GALNT9: variants seen among roughly 807,000 people sequenced by gnomAD.
GALNT9 encodes the protein polypeptide N-acetylgalactosaminyltransferase 9.
Under a neutral mutation model 63.1 loss-of-function variants are expected in GALNT9, and 47 were observed. The ratio of observed to expected loss-of-function variants is 0.75; its 90% CI spans 0.59 to 0.95. The LOEUF is 0.95. GALNT9 is among the 40% of genes least tolerant of loss of function. GALNT9 has a pLI of 0.00. For missense variants in GALNT9, 829 were observed against 874.8 expected, an observed-to-expected ratio of 0.95 and a Z score of 0.66; for synonymous variants, 396 against 365.7, an observed-to-expected ratio of 1.08 and a Z score of -0.94.
intron 4 of GALNT9, among the ~76,000 whole-genome samples, chr12:132,260,472 C>CT (rs150240861): frequency 0.014 from 2,064 of 152,348 alleles, 47 homozygotes; most frequent in African/African-American, 0.047. Context: ...GCCCCTTGCA[C>CT]TAGGCTAAGG....
chr12:132,277,647 G>C (rs557275311), intron 2 of GALNT9: 8 of 149,172 alleles, frequency 5.4e-5, no homozygotes, highest in Admixed American at 5.2e-4. Flanking sequence ...ACTGCTGGGG[G>C]CTCCCCCCGC....
chr12:132,287,071 C>A (rs1411055346), intron 1 of GALNT9, among the ~76,000 whole-genome samples: 2 of 111,458 alleles, frequency 1.8e-5, no homozygotes, highest in African/African-American at 6.3e-5. Flanking sequence ...CCCCCCCCCC[C>A]CCCGTGAGCC....
intron 1 of GALNT9, among the ~76,000 whole-genome samples, chr12:132,291,543 A>G (rs1267577626): frequency 7.4e-6 from 1 of 134,408 alleles, no homozygotes; most frequent in African/African-American, 2.9e-5. Context: ...CGTCCACACC[A>G]CCGACATCCA....
At position 132,286,862 on chromosome 12, in the gene GALNT9, A is replaced by C. The variant is rs185943937; in HGVS notation, c.239-432T>G. Among the ~76,000 whole-genome samples the C allele has an allele frequency of 1.1e-3, 168 of 152,214 alleles. No homozygotes were observed. Among genetic ancestry groups the C allele is most frequent in the Non-Finnish European group, 1.7e-3 (117 of 68,006 alleles). Reference sequence around the variant, plus strand: ...CTGAGTAAATGGGTGGGCCTCCACAACTGGCAAATTTTTGTATTTTTAGTG... The same window carrying C: ...CTGAGTAAATGGGTGGGCCTCCACACCTGGCAAATTTTTGTATTTTTAGTG... On this transcript the variant is annotated intron_variant, in intron 1 of 10. Coordinates refer to ENST00000328957, the MANE Select transcript of GALNT9 (RefSeq NM_001122636.2). This position sits in a 1 kb window ranked among gnomAD's most constrained non-coding sequence, Gnocchi z 7.4.
In GALNT9 at chr12:132,233,170, A is replaced by G. The variant is rs1449823049; in HGVS notation, c.1077+14740T>C. ...CGACAGGAGACAGCGTGGAGCCCCT[A>G]GTGCCACACACTCGATGGGGCGACA... On this transcript the variant is annotated intron_variant, in intron 6 of 10. Transcript: ENST00000328957. Among the ~76,000 whole-genome samples the G allele has an allele frequency of 3.8e-5, 2 of 52,634 alleles. 1 individual carries two copies. Among genetic ancestry groups the G allele is most frequent in the Non-Finnish European group, 6.9e-5 (2 of 29,066 alleles). 34.5% of individuals were successfully genotyped at this position (52,634 alleles called of 152,430 possible). A position where few individuals can be genotyped will look rare whatever the true frequency, so the allele number is the denominator to read the frequency against.
At chr12:132,312,269 TG>T (rs140817315) in intron 1 of GALNT9, among the ~76,000 whole-genome samples, 1 of 152,362 alleles carries the variant, frequency 6.6e-6, no homozygotes, top group East Asian at 1.9e-4. Context: ...TGAATATTTA[TG>T]GGGCCAAAGC....
chr12:132,227,261 G>C (rs1488205967), intron 6 of GALNT9, among the ~76,000 whole-genome samples: 1 of 152,176 alleles, frequency 6.6e-6, no homozygotes, highest in Non-Finnish European at 1.5e-5. Context: ...CAGCTCGTCA[G>C]CAGAACCCCG....
chr12:132,203,527 A>G lies in GALNT9; in HGVS notation c.1241T>C (p.Met414Thr). 6.2e-7 allele frequency: 1 copy of G among 1,613,878 alleles called. No individual in the cohort carries two copies. Among genetic ancestry groups the G allele is most frequent in the African/African-American group, 1.3e-5 (1 of 75,060 alleles). ...WMDDFKSHVY[M>T]AWNIPMSNPG... ...CACCGACATGGGGATGTTCCAGGCC[A>G]TGTACACGTGGGACTTGAAGTCATC... The change falls in exon 7 of 11, where the codon ATG becomes ACG. Residue 414 changes from methionine to threonine, a missense_variant. Coordinates refer to ENST00000328957, the MANE Select transcript of GALNT9 (RefSeq NM_001122636.2).
At position 132,236,212 on chromosome 12, in the gene GALNT9, C is replaced by G. The variant is rs1185222585; in HGVS notation, c.1077+11698G>C. Among the ~76,000 whole-genome samples the G allele has an allele frequency of 6.6e-6, 1 of 152,150 alleles. No homozygotes were observed. Among genetic ancestry groups the G allele is most frequent in the Non-Finnish European group, 1.5e-5 (1 of 68,022 alleles). ...ATACAAGCAAATGCCAGCCTCCCTC[C>G]CCCAGGCATCGATCTCGTGAATAAA... On this transcript the variant is annotated intron_variant, in intron 6 of 10. Transcript: ENST00000328957. The surrounding 1 kb of genome is among the most constrained non-coding windows in gnomAD (Gnocchi z 5.6).
chr12:132,245,693 C>T lies in GALNT9; in HGVS notation c.1077+2217G>A, dbSNP rs1878683019. ...GACCCTCGCCCACCACACAGGTTCGCTGTCGTCCCGGCTTTGCTCTGAGCC... is the reference window on the plus strand; with the variant it reads ...GACCCTCGCCCACCACACAGGTTCGTTGTCGTCCCGGCTTTGCTCTGAGCC... On this transcript the variant is annotated intron_variant, in intron 6 of 10. Coordinates refer to ENST00000328957, the MANE Select transcript of GALNT9 (RefSeq NM_001122636.2). This position sits in a 1 kb window ranked among gnomAD's most constrained non-coding sequence, Gnocchi z 6.3. Among the ~76,000 whole-genome samples, 1 of 152,258 alleles carries T rather than the reference C, an allele frequency of 6.6e-6. No homozygotes were observed. Among genetic ancestry groups the T allele is most frequent in the South Asian group, 2.1e-4 (1 of 4,836 alleles).
intron 1 of GALNT9, among the ~76,000 whole-genome samples, chr12:132,313,562 C>A (rs1172523331): frequency 7.5e-6 from 1 of 134,070 alleles, no homozygotes; most frequent in Non-Finnish European, 1.6e-5. Context: ...ACCCACCCAT[C>A]CATACATCCA....
At chr12:132,239,456 A>T (rs1047164197) in intron 6 of GALNT9, among the ~76,000 whole-genome samples, 1 of 150,238 alleles carries the variant, frequency 6.7e-6, no homozygotes, top group Admixed American at 6.7e-5. Flanking sequence ...ACAGAGAGGC[A>T]GAGAGAGACA....
At chr12:132,209,370 AT>A (rs200458282) in intron 6 of GALNT9, among the ~76,000 whole-genome samples, 13 of 141,928 alleles carry the variant, frequency 9.2e-5, no homozygotes, top group African/African-American at 2.2e-4. Flanking sequence ...ACTAAAAAAA[AT>A]AAATAAATAA....
intron 1 of GALNT9, among the ~76,000 whole-genome samples, chr12:132,309,728 C>T (rs1354431775): frequency 6.6e-6 from 1 of 152,228 alleles, no homozygotes; most frequent in Non-Finnish European, 1.5e-5. Context: ...GCCTCCAGAA[C>T]AGAGAGAGCG....
In GALNT9 at chr12:132,315,145, C is replaced by A. The variant is rs1179806984; in HGVS notation, c.238+13821G>T. Among the ~76,000 whole-genome samples the A allele has an allele frequency of 6.6e-6, 1 of 152,160 alleles. No individual in the cohort carries two copies. The highest frequency in any genetic ancestry group is 1.5e-5 in the Non-Finnish European group (1 of 68,034). On this transcript the variant is annotated intron_variant, in intron 1 of 10. Transcript: ENST00000328957. The surrounding 1 kb of genome is among the most constrained non-coding windows in gnomAD (Gnocchi z 6.1). Reference sequence around the variant, plus strand: ...CGGGCTCTGAGTCCAGGCGGCCCAGCGCTCTAGCCACATTTTAACCACAAG... The same window carrying A: ...CGGGCTCTGAGTCCAGGCGGCCCAGAGCTCTAGCCACATTTTAACCACAAG...
chr12:132,208,386 G>A (rs565939472), intron 6 of GALNT9, among the ~76,000 whole-genome samples: 1 of 152,334 alleles, frequency 6.6e-6, no homozygotes, highest in South Asian at 2.1e-4. Context: ...GGATAAGCTG[G>A]ACTCGCCTTC....
chr12:132,217,163 TATCTATCCACCCATCCACGCGGACTC>T (rs1259680604), intron 6 of GALNT9, among the ~76,000 whole-genome samples: 1 of 152,066 alleles, frequency 6.6e-6, no homozygotes. Context: ...ACCTAGCCAC[TATCTATCCACCCATCCACGCGGACTC>T]ATCCATCCAT....
chr12:132,203,579 C>T lies in GALNT9; in HGVS notation c.1189G>A (p.Ala397Thr), dbSNP rs778168391. ...NDIDYYAKRN[A>T]LRAAEVWMDD... ...ATCCACACCTCGGCGGCGCGCAGGG[C>T]GTTGCGCTTGGCATAGTAGTCAATG... The change falls in exon 7 of 11, where the codon GCC (alanine) becomes ACC (threonine). Residue 397 changes from alanine (A) to threonine (T), a missense_variant. Physicochemically the swap from Ala to Thr is moderately conservative, Grantham distance 58. Coordinates refer to ENST00000328957, the MANE Select transcript of GALNT9 (RefSeq NM_001122636.2). 8.1e-6 allele frequency: 13 copies of T among 1,613,810 alleles called. No individual in the cohort carries two copies. The highest frequency in any genetic ancestry group is 3.3e-5 in the South Asian group (3 of 91,088).
At chr12:132,325,332 C>G (rs1042006570) in intron 1 of GALNT9, among the ~76,000 whole-genome samples, 1 of 152,198 alleles carries the variant, frequency 6.6e-6, no homozygotes, top group African/African-American at 2.4e-5. Context: ...TTCACAGTAC[C>G]GCCAGAGGCC....
Sources: gnomAD v4.1 joint callset for allele counts (sites outside exome capture counted in the v4.1 genomes callset) on GRCh38, gnomAD v4.1.1 for gene constraint, Gnocchi (gnomAD v3.1) non-coding constraint, MANE v1.5 for transcripts, NCBI Gene and HGNC (gene_info 2026-07-23, HGNC 2026-07-21) for gene names.